APBA2: variants seen among roughly 807,000 people sequenced by gnomAD.
The protein encoded by APBA2 is amyloid-beta A4 precursor protein-binding family A member 2.
In APBA2, 30 loss-of-function variants were observed where a neutral mutation model predicts 75.0. That is an observed-to-expected ratio of 0.40 (90% CI 0.30 to 0.54). The LOEUF is 0.54. APBA2 is among the 20% of genes least tolerant of loss of function. The pLI is 0.49. For synonymous variants in APBA2, 444 were observed against 409.6 expected (o/e 1.08, Z -1.01); for missense variants, 801 against 1,016.1 (o/e 0.79, Z 2.88).
chr15:28,969,155 T>TTGCTTGCTTG (rs2036914458), intron 2 of APBA2, among the ~76,000 whole-genome samples: 1 of 77,890 alleles, frequency 1.3e-5, no homozygotes, highest in African/African-American at 3.6e-4. Context: ...TTTCTTTCTT[T>TTGCTTGCTTG]CTTTCTTTCT....
At chr15:29,048,940 T>C (rs2041472116) in intron 3 of APBA2, among the ~76,000 whole-genome samples, 1 of 138,494 alleles carries the variant, frequency 7.2e-6, no homozygotes, top group Non-Finnish European at 1.5e-5. Flanking sequence ...AGACTCAGTC[T>C]CAAAAAAAAA....
chr15:28,901,444 C>G (rs550332209), intron 1 of APBA2, among the ~76,000 whole-genome samples: 1 of 152,300 alleles, frequency 6.6e-6, no homozygotes, highest in African/African-American at 2.4e-5. Flanking sequence ...TGGAAAGCCC[C>G]TCTTCCTATG....
chr15:29,069,238 A>G (rs886332419), intron 4 of APBA2, among the ~76,000 whole-genome samples: 6 of 152,152 alleles, frequency 3.9e-5, no homozygotes, highest in Non-Finnish European at 2.9e-5. Flanking sequence ...GCTATTTTAC[A>G]TTTTATTAAT....
chr15:29,015,839 C>G (rs1359286100), intron 3 of APBA2, among the ~76,000 whole-genome samples: 4 of 152,184 alleles, frequency 2.6e-5, no homozygotes, highest in Non-Finnish European at 4.4e-5. Flanking sequence ...TGGCCACCAG[C>G]CATGTGACCC....
chr15:28,944,569 G>A (rs1392744523), intron 2 of APBA2, among the ~76,000 whole-genome samples: 1 of 152,196 alleles, frequency 6.6e-6, no homozygotes, highest in Admixed American at 6.5e-5. Context: ...TCTTAGAGTC[G>A]ATGTCCCCTA....
At chr15:28,886,599 G>A (rs1158218503) in intron 1 of APBA2, among the ~76,000 whole-genome samples, 1 of 152,036 alleles carries the variant, frequency 6.6e-6, no homozygotes, top group Non-Finnish European at 1.5e-5. Context: ...CGGACAAGAG[G>A]CGCTGTGTGG....
intron 13 of APBA2, among the ~76,000 whole-genome samples, chr15:29,113,351 C>CCG (rs554198378): frequency 6.7e-6 from 1 of 150,206 alleles, no homozygotes; most frequent in African/African-American, 2.5e-5. Context: ...CGTCACTTGG[C>CCG]GGGGGGGGGA....
At chr15:28,895,655 A>C (rs1201492175) in intron 1 of APBA2, 3 of 151,904 alleles carry the variant, frequency 2.0e-5, no homozygotes, top group Non-Finnish European at 4.4e-5. Context: ...TGTTTTTCTC[A>C]CTGGCATGGC....
At chr15:29,060,732 T>G (rs2042096401) in intron 4 of APBA2, among the ~76,000 whole-genome samples, 1 of 152,168 alleles carries the variant, frequency 6.6e-6, no homozygotes, top group South Asian at 2.1e-4. Context: ...CAAGTAAAGA[T>G]TGTTCATGTG....
At chr15:28,909,530 T>C (rs1373139301) in intron 1 of APBA2, among the ~76,000 whole-genome samples, 1 of 152,172 alleles carries the variant, frequency 6.6e-6, no homozygotes, top group Admixed American at 6.5e-5. Context: ...CGAGAATATC[T>C]CACACAGTAG....
At position 29,117,737 on chromosome 15, in the gene APBA2, C is replaced by CTATT. The variant is rs1555419465; in HGVS notation, c.*605_*608dup. 2.6e-5 allele frequency: 4 copies of CTATT among 154,246 alleles called. No homozygotes were observed. Among genetic ancestry groups the CTATT allele is most frequent in the South Asian group, 2.0e-4 (1 of 4,930 alleles). The allele number at this position is 154,246 out of a possible 1,614,324, so 9.6% of individuals were successfully genotyped here. ...TGAAAACTCCATATTTATTTAGATG[C>CTATT]TATTATTACTGTTTGGACTTTTATT... On this transcript the variant is annotated 3_prime_UTR_variant, in exon 15 of 15. Transcript: ENST00000683413.
chr15:28,984,631 G>T (rs553845493), intron 2 of APBA2, among the ~76,000 whole-genome samples: 1 of 151,928 alleles, frequency 6.6e-6, no homozygotes, highest in South Asian at 2.1e-4. Context: ...CTCTCTCTGG[G>T]TGTCCCCCAC....
At chr15:28,947,925 G>A (rs1011678614) in intron 2 of APBA2, among the ~76,000 whole-genome samples, 2 of 152,204 alleles carry the variant, frequency 1.3e-5, no homozygotes, top group Non-Finnish European at 2.9e-5. Flanking sequence ...TATAAATAAA[G>A]CAGCTTTTCA....
chr15:28,889,074 G>T (rs1284735142), intron 1 of APBA2, among the ~76,000 whole-genome samples: 3 of 152,100 alleles, frequency 2.0e-5, no homozygotes, highest in Non-Finnish European at 2.9e-5. Flanking sequence ...CCACAGGGAG[G>T]CTTCTCTGGC....
At chr15:29,005,516 C>A (rs1463595989) in intron 3 of APBA2, among the ~76,000 whole-genome samples, 1 of 151,960 alleles carries the variant, frequency 6.6e-6, no homozygotes. Context: ...CCCTCCTTGG[C>A]CTCCGAAAGT....
At chr15:29,041,440 G>A (rs964385655) in intron 3 of APBA2, among the ~76,000 whole-genome samples, 33 of 148,436 alleles carry the variant, frequency 2.2e-4, no homozygotes, top group African/African-American at 8.3e-4. Context: ...CCATATTTGT[G>A]CCACTTTACT....
chr15:28,903,110 G>A (rs545974492), intron 1 of APBA2, among the ~76,000 whole-genome samples: 7 of 152,178 alleles, frequency 4.6e-5, no homozygotes, highest in Non-Finnish European at 2.9e-5. Flanking sequence ...CTGTGGTGCC[G>A]GCCAGGTTCC....
At chr15:28,984,068 TGATCAGTTACACTGCTG>T (rs2037767739) in intron 2 of APBA2, among the ~76,000 whole-genome samples, 1 of 152,152 alleles carries the variant, frequency 6.6e-6, no homozygotes, top group Non-Finnish European at 1.5e-5. Flanking sequence ...TGCCCTCGGT[TGATCAGTTACACTGCTG>T]TGGGGTGCAC....
At chr15:28,969,504 G>A (rs556349837) in intron 2 of APBA2, among the ~76,000 whole-genome samples, 1 of 152,252 alleles carries the variant, frequency 6.6e-6, no homozygotes, top group African/African-American at 2.4e-5. Context: ...CAAATAAAAA[G>A]GAGATAACCT....
Sources: allele counts gnomAD v4.1 joint callset (sites outside exome capture counted in the v4.1 genomes callset), GRCh38; gene constraint gnomAD v4.1.1; transcripts MANE v1.5; gene names NCBI Gene and HGNC (gene_info 2026-07-23, HGNC 2026-07-21).